Variants in PIWIL4 observed in about 807,000 individuals in gnomAD.
PIWIL4 encodes the protein piwi-like protein 4.
In PIWIL4, 50 loss-of-function variants were observed where a neutral mutation model predicts 100.9. The observed-to-expected ratio is 0.50, with a 90% CI of 0.39 to 0.63. PIWIL4 has a LOEUF of 0.63. PIWIL4 is among the 20% of genes least tolerant of loss of function. PIWIL4 has a pLI of 0.00. For missense variants in PIWIL4, 887 were observed against 1,043.3 expected, an observed-to-expected ratio of 0.85 and a Z score of 2.06; for synonymous variants, 342 against 367.5, an observed-to-expected ratio of 0.93 and a Z score of 0.79.
chr11:94,574,736 C>G (rs1459248477), intron 2 of PIWIL4, among the ~76,000 whole-genome samples: 12 of 152,212 alleles, frequency 7.9e-5, no homozygotes, highest in Admixed American at 7.8e-4. Flanking sequence ...CCCGCCATGA[C>G]CTCCTAAAGT....
At chr11:94,616,585 G>A in intron 16 of PIWIL4, 22 bp downstream of exon 16, 2 of 1,574,252 alleles carry the variant, frequency 1.3e-6, no homozygotes. Flanking sequence ...ATAGCAATGT[G>A]GGTGGGCTCC....
chr11:94,588,329 G>C (rs1324687275), intron 7 of PIWIL4, among the ~76,000 whole-genome samples: 1 of 152,112 alleles, frequency 6.6e-6, no homozygotes, highest in Non-Finnish European at 1.5e-5. Context: ...TTCTTTTAGG[G>C]GACTTGTTAG....
intron 5 of PIWIL4, among the ~76,000 whole-genome samples, chr11:94,584,036 G>A (rs11020842): frequency 0.022 from 3,373 of 152,202 alleles, 61 homozygotes; most frequent in Non-Finnish European, 0.031. Context: ...CACCTACATG[G>A]TTGTAGCTCA....
At chr11:94,598,978 G>A (rs1948598844) in intron 11 of PIWIL4, among the ~76,000 whole-genome samples, 2 of 152,150 alleles carry the variant, frequency 1.3e-5, no homozygotes, top group Non-Finnish European at 2.9e-5. Context: ...AAAGTGCTGA[G>A]ATTACAGACA....
intron 5 of PIWIL4, 64 bp from the exon 6 acceptor site, chr11:94,585,381 T>C (rs910241324): frequency 7.6e-6 from 9 of 1,178,200 alleles, no homozygotes; most frequent in Non-Finnish European, 1.1e-5. Flanking sequence ...AGTAAGGGTT[T>C]GAACTTAGAA....
intron 15 of PIWIL4, among the ~76,000 whole-genome samples, chr11:94,612,968 C>T (rs1948803666): frequency 1.3e-5 from 2 of 152,014 alleles, no homozygotes; most frequent in Non-Finnish European, 2.9e-5. Context: ...GATCTTTTAT[C>T]CCTACAACTA....
At chr11:94,617,833 T>A in intron 16 of PIWIL4, 121 bp from the exon 17 acceptor site, 1 of 997,692 alleles carries the variant, frequency 1.0e-6, no homozygotes, top group Non-Finnish European at 1.5e-6. Flanking sequence ...AAATTATGTA[T>A]TGCCCTATTT....
chr11:94,592,736 C>T (rs745982964), intron 8 of PIWIL4, among the ~76,000 whole-genome samples: 1 of 152,130 alleles, frequency 6.6e-6, no homozygotes, highest in Non-Finnish European at 1.5e-5. Flanking sequence ...AATGAGTGTT[C>T]ATTGTAACCT....
At chr11:94,595,847 C>A (rs911008106) in intron 10 of PIWIL4, among the ~76,000 whole-genome samples, 4 of 152,192 alleles carry the variant, frequency 2.6e-5, no homozygotes, top group Non-Finnish European at 5.9e-5. Flanking sequence ...TAGGAAAACC[C>A]CACTATGTGC....
chr11:94,593,756 G>T, intron 9 of PIWIL4, 115 bp downstream of exon 9: 1 of 1,225,302 alleles, frequency 8.2e-7, no homozygotes. Flanking sequence ...TTAACCCATG[G>T]AGGATGGTCC....
chr11:94,576,588 T>C (rs1254505526), intron 3 of PIWIL4, among the ~76,000 whole-genome samples: 1 of 152,212 alleles, frequency 6.6e-6, no homozygotes, highest in East Asian at 1.9e-4. Context: ...TCTGATTTTG[T>C]CCTATAGACT....
intron 15 of PIWIL4, among the ~76,000 whole-genome samples, chr11:94,615,264 G>T (rs1235433831): frequency 6.6e-6 from 1 of 152,196 alleles, no homozygotes; most frequent in Non-Finnish European, 1.5e-5. Context: ...GGGTGAGGGA[G>T]CTGGGTACTC....
intron 6 of PIWIL4, among the ~76,000 whole-genome samples, chr11:94,586,367 A>G (rs1948398495): frequency 6.6e-6 from 1 of 152,086 alleles, no homozygotes; most frequent in African/African-American, 2.4e-5. Flanking sequence ...AACTGGAATT[A>G]TTTTTTAAAA....
At chr11:94,607,142 A>T (rs1169371481) in intron 13 of PIWIL4, among the ~76,000 whole-genome samples, 2 of 152,136 alleles carry the variant, frequency 1.3e-5, no homozygotes, top group East Asian at 3.9e-4. Flanking sequence ...ATTTGAGGGA[A>T]TTGACAGAAT....
At chr11:94,602,114 GTAGA>G (rs1216306099) in intron 12 of PIWIL4, 135 bp downstream of exon 12, 32 of 745,582 alleles carry the variant, frequency 4.3e-5, no homozygotes, top group Middle Eastern at 3.5e-4. Flanking sequence ...GTAGTCATAA[GTAGA>G]TAGATTTTGT....
At chr11:94,583,806 C>T (rs566936743) in intron 5 of PIWIL4, among the ~76,000 whole-genome samples, 8 of 152,262 alleles carry the variant, frequency 5.3e-5, no homozygotes, top group African/African-American at 1.4e-4. Context: ...ACAAATAATA[C>T]GGGGATTATT....
At chr11:94,611,724 A>ATC (rs71305370) in intron 15 of PIWIL4, among the ~76,000 whole-genome samples, 4,191 of 151,974 alleles carry the variant, frequency 0.028, 188 homozygotes, top group African/African-American at 0.093. Context: ...ATGTCTCTTG[A>ATC]TCTCTCTCTT....
At position 94,619,707 on chromosome 11, in the gene PIWIL4, A is replaced by C. The variant is rs1948885458; in HGVS notation, c.2169-53A>C. The C allele has an allele frequency of 3.3e-6, 5 of 1,523,326 alleles. No individual in the cohort carries two copies. In the South Asian group the frequency reaches 6.2e-5, roughly 19 times the overall value. 94.4% of individuals were successfully genotyped at this position (1,523,326 alleles called of 1,614,324 possible). On this transcript the variant is annotated intron_variant, in intron 17 of 19. Transcript: ENST00000299001. The stretch of plus-strand genomic sequence containing the variant: ...TTTTTTAAATTACACAAAAATAGAA[A>C]GCTATATAGATTGGATTGAGTTCTT...
At chr11:94,616,914 T>C (rs1034234955) in intron 16 of PIWIL4, among the ~76,000 whole-genome samples, 3 of 152,078 alleles carry the variant, frequency 2.0e-5, no homozygotes, top group Non-Finnish European at 4.4e-5. Context: ...GGGAAGCCTA[T>C]AGGGCTAGGA....
Sources: gnomAD v4.1 joint callset for allele counts (sites outside exome capture counted in the v4.1 genomes callset) on GRCh38, gnomAD v4.1.1 for gene constraint, MANE v1.5 for transcripts, NCBI Gene and HGNC (gene_info 2026-07-23, HGNC 2026-07-21) for gene names.